Variants in ULK4 observed in about 807,000 individuals in gnomAD.
ULK4 encodes the protein inactive serine/threonine-protein kinase ULK4.
Under a neutral mutation model 160.6 loss-of-function variants are expected in ULK4, and 133 were observed. The ratio of observed to expected loss-of-function variants is 0.83; its 90% CI spans 0.72 to 0.96. ULK4 has a LOEUF of 0.96. Among genes scored for constraint, ULK4 ranks in the 40% least tolerant of loss-of-function variants. The pLI is 0.00. For synonymous variants in ULK4, 534 were observed against 539.8 expected (o/e 0.99, Z 0.15); for missense variants, 1,580 against 1,499.5 (o/e 1.05, Z -0.89).
chr3:41,443,117 T>C (rs1244794291), intron 34 of ULK4, among the ~76,000 whole-genome samples: 2 of 152,140 alleles, frequency 1.3e-5, no homozygotes, highest in Non-Finnish European at 2.9e-5. Context: ...TCTTTATCCT[T>C]TTCATCAAAA....
chr3:41,681,446 T>C (rs1347212544), intron 29 of ULK4, 62 bp downstream of exon 29: 11 of 1,598,852 alleles, frequency 6.9e-6, no homozygotes, highest in African/African-American at 1.3e-5. Flanking sequence ...TGAACCTAGT[T>C]TGACAGAAGC....
chr3:41,756,716 A>C (rs1486053099), intron 21 of ULK4, among the ~76,000 whole-genome samples: 2 of 152,174 alleles, frequency 1.3e-5, no homozygotes, highest in Non-Finnish European at 2.9e-5. Context: ...TCTGAAACAC[A>C]AAGTGATGAA....
At chr3:41,377,867 T>C (rs1381925316) in intron 35 of ULK4, among the ~76,000 whole-genome samples, 2 of 149,498 alleles carry the variant, frequency 1.3e-5, no homozygotes, top group African/African-American at 5.0e-5. Flanking sequence ...AGCCATCCCA[T>C]TACTGGGTAT....
intron 2 of ULK4, among the ~76,000 whole-genome samples, chr3:41,947,931 C>T (rs1700161305): frequency 6.6e-6 from 1 of 152,074 alleles, no homozygotes; most frequent in Non-Finnish European, 1.5e-5. Context: ...AGAGGCTTCC[C>T]CAGGCTCTAT....
intron 34 of ULK4, among the ~76,000 whole-genome samples, chr3:41,401,976 C>T (rs2082190834): frequency 1.3e-5 from 2 of 152,104 alleles, no homozygotes; most frequent in Admixed American, 1.3e-4. Flanking sequence ...AGGTTTTAAT[C>T]TACCCTTTTC....
At chr3:41,925,284 C>T (rs1368010093) in intron 5 of ULK4, among the ~76,000 whole-genome samples, 1 of 152,108 alleles carries the variant, frequency 6.6e-6, no homozygotes, top group Non-Finnish European at 1.5e-5. Context: ...GTTGCCTCAC[C>T]CGGGAAGCGC....
intron 32 of ULK4, among the ~76,000 whole-genome samples, chr3:41,562,791 T>C (rs1315134978): frequency 6.6e-6 from 1 of 152,222 alleles, no homozygotes; most frequent in African/African-American, 2.4e-5. Flanking sequence ...CACAGCACAC[T>C]GATGGGTCTT....
chr3:41,705,184 T>C, intron 26 of ULK4, 33 bp from the exon 27 acceptor site: 4 of 1,608,882 alleles, frequency 2.5e-6, no homozygotes, highest in Non-Finnish European at 3.4e-6. Context: ...TAGGTGTTTA[T>C]TTACATGTTC....
chr3:41,853,834 G>A (rs1357383161), intron 17 of ULK4, among the ~76,000 whole-genome samples: 1 of 152,118 alleles, frequency 6.6e-6, no homozygotes, highest in Non-Finnish European at 1.5e-5. Flanking sequence ...GGGCCTAATT[G>A]TAATGCACTT....
chr3:41,305,566 G>A (rs990333968), intron 35 of ULK4, among the ~76,000 whole-genome samples: 5 of 152,140 alleles, frequency 3.3e-5, no homozygotes, highest in Non-Finnish European at 4.4e-5. Flanking sequence ...ATCTCGGCTC[G>A]CTACAACGTC....
chr3:41,901,479 C>T lies in ULK4; in HGVS notation c.1183-650G>A, dbSNP rs953751553. ...ACAGGCGTGAGCCACCACGCCCAGC[C>T]TTTTTTTTTTTTTTTTTTTGAGATA... On this transcript the variant is annotated intron_variant, in intron 12 of 36. Transcript: ENST00000301831. Among the ~76,000 whole-genome samples the T allele has an allele frequency of 2.0e-3, 44 of 22,546 alleles. 1 individual carries two copies. Among genetic ancestry groups the T allele is most frequent in the Middle Eastern group, 0.071 (1 of 14 alleles). 14.8% of individuals were successfully genotyped at this position (22,546 alleles called of 152,430 possible).
intron 18 of ULK4, among the ~76,000 whole-genome samples, chr3:41,823,017 C>A (rs547737024): frequency 2.9e-5 from 4 of 139,178 alleles, no homozygotes; most frequent in Non-Finnish European, 4.5e-5. Context: ...CCACCACGCC[C>A]GGCCGAGATT....
chr3:41,510,210 G>C (rs80223520), intron 32 of ULK4, among the ~76,000 whole-genome samples: 8,263 of 152,192 alleles, frequency 0.054, 712 homozygotes, highest in African/African-American at 0.19. Flanking sequence ...AAACATTAAA[G>C]CAAGAGAAGT....
intron 30 of ULK4, among the ~76,000 whole-genome samples, chr3:41,626,310 G>A (rs1207441991): frequency 6.6e-6 from 1 of 151,938 alleles, no homozygotes; most frequent in Non-Finnish European, 1.5e-5. Flanking sequence ...TAGTCCAAGT[G>A]TCAATACACA....
intron 31 of ULK4, among the ~76,000 whole-genome samples, chr3:41,572,267 G>C (rs2088004292): frequency 1.3e-5 from 2 of 152,054 alleles, no homozygotes; most frequent in South Asian, 4.2e-4. Flanking sequence ...GCACACTCCA[G>C]GTTAACCAAC....
intron 34 of ULK4, among the ~76,000 whole-genome samples, chr3:41,435,625 T>C (rs907578077): frequency 7.2e-5 from 11 of 151,990 alleles, no homozygotes. Flanking sequence ...AGTAGGAAAA[T>C]GGAAAATGCA....
At chr3:41,644,877 T>G (rs1254362251) in intron 30 of ULK4, among the ~76,000 whole-genome samples, 1 of 152,254 alleles carries the variant, frequency 6.6e-6, no homozygotes, top group Non-Finnish European at 1.5e-5. Context: ...CAGATACTGT[T>G]ACTGGTCTAT....
rs149997726 is a variant in ULK4, at chr3:41,371,474, C to G, written c.3678+26605G>C. Among the ~76,000 whole-genome samples, 39 of 152,312 alleles carry G rather than the reference C, an allele frequency of 2.6e-4. No individual in the cohort carries two copies. In the East Asian group the frequency reaches 7.4e-3, roughly 29 times the overall value. On this transcript the variant is annotated intron_variant, in intron 35 of 36. Coordinates refer to ENST00000301831, the MANE Select transcript of ULK4 (RefSeq NM_017886.4). ...GCAGGCAGCAATCTTTGCTGTTCTG[C>G]AGCCTCTGCTGGTGATACCCAGGCA...
intron 32 of ULK4, among the ~76,000 whole-genome samples, chr3:41,499,290 G>A (rs1367972753): frequency 6.6e-6 from 1 of 151,598 alleles, no homozygotes; most frequent in African/African-American, 2.4e-5. Context: ...AGACAACAGA[G>A]CTTCTTTAGC....
Sources: allele counts gnomAD v4.1 joint callset (sites outside exome capture counted in the v4.1 genomes callset), GRCh38; gene constraint gnomAD v4.1.1; transcripts MANE v1.5; gene names NCBI Gene and HGNC (gene_info 2026-07-23, HGNC 2026-07-21).